PARPBP: variants seen among roughly 807,000 people sequenced by gnomAD.
The protein encoded by PARPBP is PARP1 binding protein, also known as PCNA-interacting partner.
In PARPBP, 52 loss-of-function variants were observed where a neutral mutation model predicts 50.0. The ratio of observed to expected loss-of-function variants is 1.04; its 90% CI spans 0.83 to 1.31. The LOEUF is 1.31. Ranked by LOEUF, PARPBP falls within the 50% of genes most tolerant of loss-of-function variation. The probability of loss-of-function intolerance (pLI) is 0.00; values close to 1 mark genes in which losing one functional copy is unlikely to be tolerated. For synonymous variants in PARPBP, 244 were observed against 232.1 expected, an observed-to-expected ratio of 1.05 and a Z score of -0.47; for missense variants, 697 against 672.0, an observed-to-expected ratio of 1.04 and a Z score of -0.41.
chr12:102,176,804 G>A (rs1889329302), intron 7 of PARPBP, among the ~76,000 whole-genome samples: 1 of 152,078 alleles, frequency 6.6e-6, no homozygotes, highest in Admixed American at 6.5e-5. Flanking sequence ...CTATAACAGT[G>A]CTTGTTTTTA....
chr12:102,189,863 A>G (rs1246506649), intron 9 of PARPBP, among the ~76,000 whole-genome samples: 1 of 152,158 alleles, frequency 6.6e-6, no homozygotes, highest in African/African-American at 2.4e-5. Flanking sequence ...CTCAAAAGTA[A>G]ACGGTGGAAA....
rs557114331 is a variant in PARPBP, at chr12:102,182,572, C to G, written c.1208C>G (p.Ser403Trp). ...LFRSPTQVNN[S>W]IKPLRERICV... ...AGGTCTCCCACACAGGTGAATAATT[C>G]GATAAAACCCCTAAGAGAACGCATC... The change falls in exon 9 of 11, where the codon TCG becomes TGG. Residue 403 changes from serine to tryptophan, a missense_variant. Physicochemically the swap from Ser to Trp is radical, Grantham distance 177 (BLOSUM62 -3). Coordinates refer to ENST00000327680, the MANE Select transcript of PARPBP (RefSeq NM_017915.5). 3.7e-6 allele frequency: 6 copies of G among 1,605,592 alleles called. No individual in the cohort carries two copies. In the East Asian group the frequency reaches 1.3e-4, roughly 36 times the overall value.
intron 1 of PARPBP, 181 bp downstream of exon 1, chr12:102,120,467 T>C: frequency 2.2e-6 from 1 of 456,540 alleles, no homozygotes; most frequent in Non-Finnish European, 4.4e-6. Context: ...GTAGGCGGAG[T>C]TCACAGTATC....
At chr12:102,137,202 C>G (rs563828697) in intron 2 of PARPBP, among the ~76,000 whole-genome samples, 1 of 152,166 alleles carries the variant, frequency 6.6e-6, no homozygotes, top group Non-Finnish European at 1.5e-5. Flanking sequence ...ATCCACCCGC[C>G]TCGGCCTCCC....
At chr12:102,176,531 T>C (rs1264619753) in intron 7 of PARPBP, among the ~76,000 whole-genome samples, 19 of 152,196 alleles carry the variant, frequency 1.2e-4, no homozygotes, top group Admixed American at 1.2e-3. Context: ...TTCTTAATTT[T>C]TTTTTTACAG....
intron 6 of PARPBP, among the ~76,000 whole-genome samples, chr12:102,169,583 T>C (rs1229901589): frequency 6.6e-6 from 1 of 152,324 alleles, no homozygotes; most frequent in East Asian, 1.9e-4. Context: ...CATCTCTTCC[T>C]ATAGCTACTA....
At chr12:102,123,336 T>G (rs1336306643) in intron 1 of PARPBP, among the ~76,000 whole-genome samples, 2 of 152,190 alleles carry the variant, frequency 1.3e-5, no homozygotes, top group African/African-American at 4.8e-5. Flanking sequence ...TTAGTACTTC[T>G]GCACACACCA....
intron 4 of PARPBP, chr12:102,154,748 G>A: frequency 9.8e-6 from 4 of 407,708 alleles, no homozygotes; most frequent in South Asian, 5.4e-5. Context: ...ATTTTGAAAT[G>A]GTCCTACAAA....
rs143097605 is a variant in PARPBP, at chr12:102,120,944, C to T, written c.-4+658C>T. Among the ~76,000 whole-genome samples, 3 of 152,308 alleles carry T rather than the reference C, an allele frequency of 2.0e-5. No individual in the cohort carries two copies. In the East Asian group the frequency reaches 5.8e-4, roughly 29 times the overall value. On this transcript the variant is annotated intron_variant, in intron 1 of 10. Coordinates refer to ENST00000327680, the MANE Select transcript of PARPBP (RefSeq NM_017915.5). ...TGCCTGCCCAGTGACAATTTTCTGT[C>T]TCACAGTTTTTGCTCTAGAGCAACT...
intron 6 of PARPBP, among the ~76,000 whole-genome samples, chr12:102,173,127 G>A (rs1467596510): frequency 1.3e-5 from 2 of 152,214 alleles, no homozygotes; most frequent in African/African-American, 4.8e-5. Context: ...AAGGAGGAAA[G>A]CCAGCGAGGC....
At chr12:102,147,665 T>G (rs1236642428) in intron 2 of PARPBP, among the ~76,000 whole-genome samples, 1 of 152,008 alleles carries the variant, frequency 6.6e-6, no homozygotes, top group Non-Finnish European at 1.5e-5. Context: ...TGTATACATA[T>G]GTAACTAACC....
At chr12:102,178,532 A>C in intron 7 of PARPBP, 60 bp from the exon 8 acceptor site, 34 of 973,288 alleles carry the variant, frequency 3.5e-5, no homozygotes, top group Non-Finnish European at 4.8e-5. Context: ...ATTTAAAAGT[A>C]TGGCCATTCA....
chr12:102,186,403 A>G (rs926049807), intron 9 of PARPBP, among the ~76,000 whole-genome samples: 2 of 151,870 alleles, frequency 1.3e-5, no homozygotes, highest in African/African-American at 2.4e-5. Flanking sequence ...CATAAGATGC[A>G]TATTTATGTT....
intron 9 of PARPBP, among the ~76,000 whole-genome samples, chr12:102,193,990 CAT>C (rs1486026626): frequency 6.6e-6 from 1 of 151,942 alleles, no homozygotes; most frequent in African/African-American, 2.4e-5. Flanking sequence ...GCACATGAAA[CAT>C]AATTTTTAGT....
intron 4 of PARPBP, 72 bp from the exon 5 acceptor site, chr12:102,164,366 A>G (rs994685851): frequency 1.3e-5 from 14 of 1,113,022 alleles, no homozygotes; most frequent in African/African-American, 3.1e-5. Flanking sequence ...ATACATTTTT[A>G]CTGCTTATGA....
At chr12:102,167,928 C>T (rs569648991) in intron 6 of PARPBP, among the ~76,000 whole-genome samples, 5 of 152,120 alleles carry the variant, frequency 3.3e-5, no homozygotes, top group Non-Finnish European at 7.4e-5. Context: ...CTGTTTTCAA[C>T]CCTGCCTTTA....
intron 6 of PARPBP, among the ~76,000 whole-genome samples, chr12:102,171,485 A>G (rs913262278): frequency 3.3e-5 from 5 of 152,118 alleles, no homozygotes; most frequent in Admixed American, 6.5e-5. Flanking sequence ...ATAACTATTT[A>G]TGTTGGGCTA....
intron 2 of PARPBP, among the ~76,000 whole-genome samples, chr12:102,147,017 G>T (rs546581055): frequency 6.0e-4 from 92 of 152,174 alleles, no homozygotes; most frequent in African/African-American, 2.1e-3. Context: ...ACCACAATGA[G>T]ATACCATCTC....
In PARPBP at chr12:102,148,470, A is replaced by G; in HGVS notation, c.387+7A>G. On this transcript the variant is annotated splice_region_variant and intron_variant, in intron 3 of 10. Coordinates refer to ENST00000327680, the MANE Select transcript of PARPBP (RefSeq NM_017915.5). ...TTATAACACAGTATCTCCTGTAAGT[A>G]TTTTTTAAACAATTCTATTTTAATC... is the stretch of plus-strand genomic sequence containing the variant. The G allele has an allele frequency of 9.2e-7, 1 of 1,086,014 alleles. No individual in the cohort carries two copies. The highest frequency in any genetic ancestry group is 1.4e-6 in the Non-Finnish European group (1 of 732,020). 67.3% of individuals were successfully genotyped at this position (1,086,014 alleles called of 1,614,324 possible). A position where few individuals can be genotyped will look rare whatever the true frequency, so the allele number is the denominator to read the frequency against.
Sources: gnomAD v4.1 joint callset for allele counts (sites outside exome capture counted in the v4.1 genomes callset) on GRCh38, gnomAD v4.1.1 for gene constraint, MANE v1.5 for transcripts, NCBI Gene and HGNC (gene_info 2026-07-23, HGNC 2026-07-21) for gene names.